SMYD5: variants seen among roughly 807,000 people sequenced by gnomAD.
SMYD5 encodes SMYD family member 5.
Under a neutral mutation model 57.4 loss-of-function variants are expected in SMYD5, and 35 were observed. The ratio of observed to expected loss-of-function variants is 0.61; its 90% CI spans 0.47 to 0.81. The LOEUF is 0.81. Among genes scored for constraint, SMYD5 ranks in the 30% least tolerant of loss-of-function variants. SMYD5 has a pLI of 0.00. For missense variants in SMYD5, 471 were observed against 527.9 expected (o/e 0.89, Z 1.06); for synonymous variants, 198 against 189.7 (o/e 1.04, Z -0.36).
chr2:73,214,452 T>G, intron 1 of SMYD5, 90 bp downstream of exon 1: 1 of 1,594,528 alleles, frequency 6.3e-7, no homozygotes, highest in Non-Finnish European at 8.5e-7. Context: ...GCCCAGAGGC[T>G]TCTGTGCCGC....
chr2:73,216,608 T>C (rs1686296890), intron 1 of SMYD5, among the ~76,000 whole-genome samples: 4 of 152,242 alleles, frequency 2.6e-5, no homozygotes, highest in East Asian at 3.9e-4. Flanking sequence ...GGCACGAGAA[T>C]TGCTTGAACC....
At chr2:73,225,565 G>T in intron 11 of SMYD5, 66 bp from the exon 12 acceptor site, 1 of 1,439,402 alleles carries the variant, frequency 6.9e-7, no homozygotes, top group Non-Finnish European at 9.7e-7. Context: ...TAGGGTAGCT[G>T]TTGGGGAGGT....
chr2:73,221,161 C>T lies in SMYD5; in HGVS notation c.468-4C>T. 14 of 1,613,292 alleles carry T rather than the reference C, an allele frequency of 8.7e-6. No homozygotes were observed. The highest frequency in any genetic ancestry group is 1.2e-5 in the Non-Finnish European group (14 of 1,179,312). On this transcript the variant is annotated splice_region_variant and splice_polypyrimidine_tract_variant and intron_variant, in intron 4 of 12. Coordinates refer to ENST00000389501, the MANE Select transcript of SMYD5 (RefSeq NM_006062.3). ...CTAGGCCAATCTTTTTTCTCTTTCC[C>T]CAGGAGTATTCACTACCCACCTGAG...
At position 73,226,003 on chromosome 2, in the gene SMYD5, C is replaced by G. The variant is rs760487009; in HGVS notation, c.*57C>G. Reference sequence around the variant, plus strand: ...GACCCTGCCAGAAAAGGGGGCTCTTCCCCCAGAGAAGTGGCTTGGAGGGAA... The same window carrying G: ...GACCCTGCCAGAAAAGGGGGCTCTTGCCCCAGAGAAGTGGCTTGGAGGGAA... On this transcript the variant is annotated 3_prime_UTR_variant, in exon 13 of 13. Coordinates refer to ENST00000389501, the MANE Select transcript of SMYD5 (RefSeq NM_006062.3). The G allele has an allele frequency of 6.4e-5, 99 of 1,536,912 alleles. No homozygotes were observed. The highest frequency in any genetic ancestry group is 1.7e-4 in the African/African-American group (12 of 72,326).
intron 3 of SMYD5, among the ~76,000 whole-genome samples, 172 bp from the exon 4 acceptor site, chr2:73,220,489 G>A (rs1469535476): frequency 6.6e-6 from 1 of 152,112 alleles, no homozygotes; most frequent in Non-Finnish European, 1.5e-5. Flanking sequence ...TTCCCTTTCT[G>A]TGGTTTTGCA....
chr2:73,214,383 G>T (rs1686251326), intron 1 of SMYD5, 21 bp downstream of exon 1: 1 of 1,612,762 alleles, frequency 6.2e-7, no homozygotes, highest in South Asian at 1.1e-5. Context: ...GGCGGGTCCT[G>T]CCGGGAGCCT....
At position 73,226,275 on chromosome 2, in the gene SMYD5, C is replaced by T. The variant is rs1235147175; in HGVS notation, c.*329C>T. On this transcript the variant is annotated 3_prime_UTR_variant, in exon 13 of 13. Transcript: ENST00000389501. ...ACAGTGTTTCTTCCCCTCGGCCCCA[C>T]GGCCCATACTCACCCCTTCACCTGA... 1.2e-5 allele frequency: 4 copies of T among 324,410 alleles called. No homozygotes were observed. The highest frequency in any genetic ancestry group is 1.1e-4 in the East Asian group (2 of 18,410). The allele number at this position is 324,410 out of a possible 1,614,324, so 20.1% of individuals were successfully genotyped here.
intron 6 of SMYD5, among the ~76,000 whole-genome samples, 170 bp downstream of exon 6, chr2:73,222,100 TGACCTCATGTG>T (rs1686408511): frequency 6.6e-6 from 1 of 152,296 alleles, no homozygotes; most frequent in African/African-American, 2.4e-5. Context: ...GTTTACTTCA[TGACCTCATGTG>T]GACCTACAGT....
At chr2:73,221,018 A>G in intron 4 of SMYD5, 147 bp from the exon 5 acceptor site, 1 of 831,968 alleles carries the variant, frequency 1.2e-6, no homozygotes, top group Non-Finnish European at 1.9e-6. Context: ...ATAGGGATGC[A>G]AAGTCTTGCC....
chr2:73,217,836 A>T (rs1366658166), intron 1 of SMYD5, among the ~76,000 whole-genome samples: 1 of 152,238 alleles, frequency 6.6e-6, no homozygotes, highest in African/African-American at 2.4e-5. Flanking sequence ...TATGTGCCCA[A>T]TAAGGCCAGT....
chr2:73,214,570 C>T (rs1401641227), intron 1 of SMYD5: 1 of 1,493,802 alleles, frequency 6.7e-7, no homozygotes, highest in African/African-American at 1.4e-5. Context: ...CCGGAGTCTC[C>T]GTGCGCATTT....
At position 73,223,945 on chromosome 2, in the gene SMYD5, A is replaced by G; in HGVS notation, c.884-2A>G. Reference sequence around the variant, plus strand: ...TAATGTGTGTGTATTACTGTCTTACAGCAACTGGAGAGTTTCTTAACTGTG... The same window carrying G: ...TAATGTGTGTGTATTACTGTCTTACGGCAACTGGAGAGTTTCTTAACTGTG... On this transcript the variant is annotated splice_acceptor_variant, in intron 9 of 12. Transcript: ENST00000389501. LOFTEE classifies it high-confidence loss of function. 1 of 1,613,850 alleles carries G rather than the reference A, an allele frequency of 6.2e-7. No homozygotes were observed. Among genetic ancestry groups the G allele is most frequent in the Non-Finnish European group, 8.5e-7 (1 of 1,179,722 alleles).
At chr2:73,214,460 C>A in intron 1 of SMYD5, 98 bp downstream of exon 1, 2 of 1,580,984 alleles carry the variant, frequency 1.3e-6, no homozygotes, top group South Asian at 1.1e-5. Flanking sequence ...GCTTCTGTGC[C>A]GCTCGGACGC....
intron 1 of SMYD5, among the ~76,000 whole-genome samples, chr2:73,216,875 A>AT (rs1367231928): frequency 6.6e-6 from 1 of 150,990 alleles, no homozygotes; most frequent in African/African-American, 2.4e-5. Flanking sequence ...GGCCTGCACG[A>AT]TTTTTTCTTA....
At chr2:73,224,060 C>T (rs1348815016) in intron 10 of SMYD5, 57 bp downstream of exon 10, 2 of 1,513,056 alleles carry the variant, frequency 1.3e-6, no homozygotes, top group South Asian at 1.1e-5. Context: ...TGCCAGGTGG[C>T]CTTGCAGCCA....
chr2:73,215,000 T>A (rs933217601), intron 1 of SMYD5: 1 of 216,332 alleles, frequency 4.6e-6, no homozygotes, highest in African/African-American at 2.3e-5. Flanking sequence ...AAAATTACAT[T>A]TTTAGAAACT....
At chr2:73,222,929 TGGAGTTCA>T in intron 7 of SMYD5, 99 bp from the exon 8 acceptor site, 1 of 1,486,382 alleles carries the variant, frequency 6.7e-7, no homozygotes, top group Non-Finnish European at 9.4e-7. Flanking sequence ...CTTGGTCTTC[TGGAGTTCA>T]GATGAGCCTG....
rs374670590 is a variant in SMYD5 at position 73,216,076 on chromosome 2, T to C, written c.96+1714T>C. ...GGGAGTAGTTTTTGACTACTGTTTATTGCTTCTGTGGATAGGAATGACTTT... is the reference window on the plus strand; with the variant it reads ...GGGAGTAGTTTTTGACTACTGTTTACTGCTTCTGTGGATAGGAATGACTTT... On this transcript the variant is annotated intron_variant, in intron 1 of 12. Transcript: ENST00000389501. 3.9e-4 allele frequency among the ~76,000 whole-genome samples: 59 copies of C among 152,342 alleles called. No individual in the cohort carries two copies. The South Asian group carries it at 0.012, about 31-fold the overall frequency.
In SMYD5 at chr2:73,226,093, T is replaced by G; in HGVS notation, c.*147T>G. The G allele has an allele frequency of 8.8e-7, 1 of 1,133,936 alleles. No individual in the cohort carries two copies. The highest frequency in any genetic ancestry group is 1.2e-6 in the Non-Finnish European group (1 of 822,054). 70.2% of individuals were successfully genotyped at this position (1,133,936 alleles called of 1,614,324 possible). ...CTCTGCTAGAGGGTAGGAGAGAGCC[T>G]GGATCTCTGGCCCCAACCCCCACCA... is the stretch of plus-strand genomic sequence containing the variant. On this transcript the variant is annotated 3_prime_UTR_variant, in exon 13 of 13. Transcript: ENST00000389501.
Sources: allele counts gnomAD v4.1 joint callset (sites outside exome capture counted in the v4.1 genomes callset), GRCh38; gene constraint gnomAD v4.1.1; transcripts MANE v1.5; gene names NCBI Gene and HGNC (gene_info 2026-07-23, HGNC 2026-07-21).